BNC2: variants seen among roughly 807,000 people sequenced by gnomAD.
BNC2 encodes basonuclin zinc finger protein 2, also known as zinc finger protein basonuclin-2.
In BNC2, 20 loss-of-function variants were observed where a neutral mutation model predicts 76.3. That is an observed-to-expected ratio of 0.26 (90% CI 0.18 to 0.38). The LOEUF (loss-of-function observed/expected upper bound fraction) is 0.38, where lower values mean the gene tolerates loss of function less well. Among genes scored for constraint, BNC2 ranks in the 10% least tolerant of loss-of-function variants. The probability of loss-of-function intolerance (pLI) is 1.00; values close to 1 mark genes in which losing one functional copy is unlikely to be tolerated. For missense variants in BNC2, 1,382 were observed against 1,399.8 expected (o/e 0.99, Z 0.20); for synonymous variants, 582 against 514.8 (o/e 1.13, Z -1.77).
chr9:16,496,627 G>A (rs1463159021), intron 5 of BNC2, among the ~76,000 whole-genome samples: 3 of 152,148 alleles, frequency 2.0e-5, no homozygotes, highest in Non-Finnish European at 4.4e-5. Context: ...GCAATGCTCT[G>A]CAGTTTCTTT....
intron 1 of BNC2, among the ~76,000 whole-genome samples, chr9:16,852,851 G>A (rs1819159353): frequency 6.6e-6 from 1 of 152,292 alleles, no homozygotes; most frequent in Middle Eastern, 3.4e-3. Flanking sequence ...AAGGGCTGAG[G>A]TAGGTACCAG....
intron 1 of BNC2, among the ~76,000 whole-genome samples, chr9:16,764,950 A>G (rs1469559656): frequency 6.6e-6 from 1 of 152,094 alleles, no homozygotes; most frequent in Admixed American, 6.6e-5. Flanking sequence ...AGAAAAAAGA[A>G]GGAGAGAGAG....
intron 5 of BNC2, among the ~76,000 whole-genome samples, chr9:16,443,801 G>C (rs1280149522): frequency 6.6e-6 from 1 of 152,162 alleles, no homozygotes; most frequent in Non-Finnish European, 1.5e-5. Context: ...GTAAGATTAT[G>C]GGAACATAAA....
intron 1 of BNC2, among the ~76,000 whole-genome samples, chr9:16,870,072 C>T (rs927968803): frequency 1.3e-5 from 2 of 152,164 alleles, no homozygotes; most frequent in African/African-American, 4.8e-5. Flanking sequence ...CCTCCCATCT[C>T]CATTTACCAC....
At chr9:16,544,928 C>T (rs1480450569) in intron 5 of BNC2, among the ~76,000 whole-genome samples, 2 of 151,988 alleles carry the variant, frequency 1.3e-5, no homozygotes, top group Non-Finnish European at 2.9e-5. Flanking sequence ...TATTGCACTA[C>T]ATACTTTTAA....
At chr9:16,712,084 A>G (rs1271954797) in intron 3 of BNC2, among the ~76,000 whole-genome samples, 1 of 152,228 alleles carries the variant, frequency 6.6e-6, no homozygotes. Flanking sequence ...AACCAAGACA[A>G]AAATGTTACC....
At chr9:16,434,391 T>C (rs1820961605) in intron 6 of BNC2, among the ~76,000 whole-genome samples, 1 of 152,242 alleles carries the variant, frequency 6.6e-6, no homozygotes, top group Admixed American at 6.5e-5. Context: ...CTGCTTACTA[T>C]TGGTGGCTCT....
rs1310764924 is a variant in BNC2, at chr9:16,414,359, T to C, written c.*4630A>G. 1 of 152,194 alleles carries C rather than the reference T, an allele frequency of 6.6e-6. No homozygotes were observed. The highest frequency in any genetic ancestry group is 1.5e-5 in the Non-Finnish European group (1 of 68,028). 9.4% of individuals were successfully genotyped at this position (152,194 alleles called of 1,614,324 possible). ...CTTAGTTCTGATGAAAACACTGTGA[T>C]CCCTCCAGTCTTTCTGGTATCTTTT... On this transcript the variant is annotated 3_prime_UTR_variant, in exon 7 of 7. Coordinates refer to ENST00000380672, the MANE Select transcript of BNC2 (RefSeq NM_017637.6).
At chr9:16,694,630 G>A (rs371924210) in intron 3 of BNC2, among the ~76,000 whole-genome samples, 11 of 152,218 alleles carry the variant, frequency 7.2e-5, no homozygotes, top group African/African-American at 2.2e-4. Flanking sequence ...GTAGCATGTC[G>A]AAGATCAATG....
chr9:16,790,652 CAT>C (rs1057186462), intron 1 of BNC2, among the ~76,000 whole-genome samples: 3 of 152,060 alleles, frequency 2.0e-5, no homozygotes, highest in Admixed American at 6.6e-5. Context: ...GAGTTCCTCT[CAT>C]ATGATTTTTT....
rs1397850251 is a variant in BNC2 at position 16,549,502 on chromosome 9, AT to A, written c.669+3027del. 2.6e-5 allele frequency among the ~76,000 whole-genome samples: 4 copies of A among 152,372 alleles called. No individual in the cohort carries two copies. In the East Asian group the frequency reaches 7.7e-4, roughly 29 times the overall value. On this transcript the variant is annotated intron_variant, in intron 5 of 6. Coordinates refer to ENST00000380672, the MANE Select transcript of BNC2 (RefSeq NM_017637.6). ...AAAATGACTTGTACACTAATAGAGC[AT>A]TATGGGGTTCCACAGCCTTCGGACA...
At position 16,847,782 on chromosome 9, in the gene BNC2, C is replaced by T. The variant is rs1819025109; in HGVS notation, c.3+22864G>A. 2.0e-5 allele frequency among the ~76,000 whole-genome samples: 3 copies of T among 152,082 alleles called. No homozygotes were observed. The South Asian group carries it at 6.2e-4, about 32-fold the overall frequency. On this transcript the variant is annotated intron_variant, in intron 1 of 6. Transcript: ENST00000380672. ...TGATAAAGACAGAAAAATGAAAAGA[C>T]CATAAAGATACACCTGAGAATCTAC...
chr9:16,535,507 C>G (rs1014719412), intron 5 of BNC2, among the ~76,000 whole-genome samples: 24 of 152,128 alleles, frequency 1.6e-4, no homozygotes, highest in African/African-American at 5.8e-4. Context: ...TGCATCTAGT[C>G]AGCAAGTAGT....
chr9:16,811,501 G>A (rs149116166), intron 1 of BNC2, among the ~76,000 whole-genome samples: 7 of 131,246 alleles, frequency 5.3e-5, no homozygotes, highest in East Asian at 2.4e-4. Flanking sequence ...GCGGTGAGCC[G>A]AGATCGAGCC....
chr9:16,437,049 G>A lies in BNC2; in HGVS notation c.1145C>T (p.Pro382Leu). Residue 382 changes from proline (P) to leucine (L), a missense_variant, in exon 6 of 7, where the codon CCC becomes CTC. Physicochemically the swap from Pro to Leu is moderately conservative, Grantham distance 98. Around this residue, in one of 3 missense-constraint regions of BNC2, gnomAD observed 557 missense variants for 540.9 expected, o/e 1.03. Coordinates refer to ENST00000380672, the MANE Select transcript of BNC2 (RefSeq NM_017637.6). ...AATGCTGGTCAGGGCATTTCTATTGGGTGTTTGATCATTCTTATAAGGTGT... is the reference window on the plus strand; with the variant it reads ...AATGCTGGTCAGGGCATTTCTATTGAGTGTTTGATCATTCTTATAAGGTGT... ...SPTPYKNDQT[P>L]NRNALTSITN... 6.2e-7 allele frequency: 1 copy of A among 1,614,026 alleles called. No individual in the cohort carries two copies. The highest frequency in any genetic ancestry group is 1.7e-5 in the Admixed American group (1 of 60,004).
chr9:16,836,142 G>A (rs1370759026), intron 1 of BNC2, among the ~76,000 whole-genome samples: 3 of 152,246 alleles, frequency 2.0e-5, no homozygotes, highest in South Asian at 4.1e-4. Flanking sequence ...ACAGCAAGAC[G>A]GTCCTGCTAA....
intron 3 of BNC2, among the ~76,000 whole-genome samples, chr9:16,638,356 T>C (rs570686973): frequency 6.6e-6 from 1 of 152,282 alleles, no homozygotes; most frequent in African/African-American, 2.4e-5. Flanking sequence ...CAATAGTACT[T>C]TGAAGAATCA....
At chr9:16,848,547 A>G (rs562478793) in intron 1 of BNC2, among the ~76,000 whole-genome samples, 90 of 152,316 alleles carry the variant, frequency 5.9e-4, no homozygotes, top group African/African-American at 2.1e-3. Flanking sequence ...CTCCAAAGAC[A>G]CTGTTAATTA....
intron 1 of BNC2, among the ~76,000 whole-genome samples, chr9:16,763,553 G>A (rs755645611): frequency 6.6e-6 from 1 of 151,738 alleles, no homozygotes; most frequent in Non-Finnish European, 1.5e-5. Context: ...CTGAGTGACA[G>A]AGCAAGACCC....
Sources: allele counts gnomAD v4.1 joint callset (sites outside exome capture counted in the v4.1 genomes callset), GRCh38; gene constraint gnomAD v4.1.1; regional missense constraint gnomAD v4.1.1; transcripts MANE v1.5; gene names NCBI Gene and HGNC (gene_info 2026-07-23, HGNC 2026-07-21).